FHIT: variants seen among roughly 807,000 people sequenced by gnomAD.
FHIT encodes the protein fragile histidine triad diadenosine triphosphatase.
Under a neutral mutation model 17.9 loss-of-function variants are expected in FHIT, and 19 were observed. The ratio of observed to expected loss-of-function variants is 1.06; its 90% CI spans 0.74 to 1.56. The LOEUF is 1.56. FHIT is among the 40% of genes most tolerant of loss of function. The probability of loss-of-function intolerance (pLI) is 0.00; values close to 1 mark genes in which losing one functional copy is unlikely to be tolerated. For synonymous variants in FHIT, 81 were observed against 69.7 expected (o/e 1.16, Z -0.81); for missense variants, 248 against 189.2 (o/e 1.31, Z -1.82).
chr3:60,859,439 T>C (rs1553750786), intron 3 of FHIT, among the ~76,000 whole-genome samples: 1 of 152,064 alleles, frequency 6.6e-6, no homozygotes, highest in African/African-American at 2.4e-5. Context: ...TTTCCACCCA[T>C]GCACACAGGT....
intron 4 of FHIT, among the ~76,000 whole-genome samples, chr3:60,782,237 G>GTATATA (rs11272366): frequency 0.065 from 6,201 of 95,500 alleles, 199 homozygotes; most frequent in Non-Finnish European, 0.11. Context: ...GTGTGTGTGT[G>GTATATA]TATATATATA....
chr3:60,095,745 A>G (rs921363276), intron 5 of FHIT, among the ~76,000 whole-genome samples: 1 of 152,232 alleles, frequency 6.6e-6, no homozygotes, highest in Non-Finnish European at 1.5e-5. Context: ...GAGAAAAGGC[A>G]AAACAACAGC....
chr3:59,906,269 T>A (rs1575674771), intron 8 of FHIT, among the ~76,000 whole-genome samples: 1 of 152,328 alleles, frequency 6.6e-6, no homozygotes, highest in East Asian at 1.9e-4. Context: ...ACTTCTTGCA[T>A]AAAATCAGTC....
chr3:60,867,464 G>T (rs913400217), intron 3 of FHIT, among the ~76,000 whole-genome samples: 1 of 152,166 alleles, frequency 6.6e-6, no homozygotes, highest in Non-Finnish European at 1.5e-5. Flanking sequence ...AGATGTTATG[G>T]CTGTGAGCTG....
Position 59,931,111 on chromosome 3 carries a change from A to C in FHIT, c.280-8697T>G, listed in dbSNP as rs149130624. On this transcript the variant is annotated intron_variant, in intron 7 of 9. Transcript: ENST00000492590. Reference sequence around the variant, plus strand: ...TGTGAAATACATAGGTAAAGTGCTTAAGCTAATGCTGCACATTCTGAATAT... The same window carrying C: ...TGTGAAATACATAGGTAAAGTGCTTCAGCTAATGCTGCACATTCTGAATAT... Among the ~76,000 whole-genome samples the C allele has an allele frequency of 3.4e-3, 521 of 152,354 alleles. 3 individuals carry two copies. The highest frequency in any genetic ancestry group is 0.012 in the African/African-American group (498 of 41,580).
intron 5 of FHIT, among the ~76,000 whole-genome samples, chr3:60,110,486 T>C (rs949927017): frequency 3.3e-5 from 5 of 152,150 alleles, no homozygotes; most frequent in South Asian, 2.1e-4. Flanking sequence ...GATCACCAAA[T>C]AGACACCAGT....
In FHIT at chr3:60,675,980, C is replaced by T. The variant is rs576583814; in HGVS notation, c.-17-139001G>A. Among the ~76,000 whole-genome samples, 64 of 152,228 alleles carry T rather than the reference C, an allele frequency of 4.2e-4. 1 individual carries two copies. The highest frequency in any genetic ancestry group is 1.5e-3 in the African/African-American group (62 of 41,544). ...AGCAAAATACAATGCCTGGCTAGAG[C>T]CTTTAAATACAGATAAACAATCCAA... On this transcript the variant is annotated intron_variant, in intron 4 of 9. Coordinates refer to ENST00000492590, the MANE Select transcript of FHIT (RefSeq NM_002012.4).
intron 4 of FHIT, among the ~76,000 whole-genome samples, chr3:60,709,673 G>C (rs2041467153): frequency 6.6e-6 from 1 of 152,132 alleles, no homozygotes; most frequent in African/African-American, 2.4e-5. Context: ...ATATAAAAAA[G>C]AATTATATTT....
intron 8 of FHIT, among the ~76,000 whole-genome samples, chr3:59,806,024 A>G (rs1700180853): frequency 6.6e-6 from 1 of 152,080 alleles, no homozygotes. Flanking sequence ...TGCTAAAAAT[A>G]CAAAAATTTA....
chr3:60,952,884 A>G (rs1244416544), intron 3 of FHIT, among the ~76,000 whole-genome samples: 3 of 152,190 alleles, frequency 2.0e-5, no homozygotes, highest in Non-Finnish European at 2.9e-5. Flanking sequence ...ATATAAAACC[A>G]TCTAGGTTTT....
intron 4 of FHIT, among the ~76,000 whole-genome samples, chr3:60,736,404 A>G (rs185799927): frequency 6.6e-6 from 1 of 152,338 alleles, no homozygotes; most frequent in African/African-American, 2.4e-5. Flanking sequence ...ATTTCCATTT[A>G]CTAATGAATG....
At chr3:59,911,758 G>C (rs1410036066) in intron 8 of FHIT, among the ~76,000 whole-genome samples, 1 of 152,198 alleles carries the variant, frequency 6.6e-6, no homozygotes, top group Non-Finnish European at 1.5e-5. Context: ...CAGTGCCCAA[G>C]AAGTGGGGAG....
At chr3:61,035,132 G>C (rs982569345) in intron 3 of FHIT, among the ~76,000 whole-genome samples, 6 of 152,166 alleles carry the variant, frequency 3.9e-5, no homozygotes, top group African/African-American at 1.4e-4. Flanking sequence ...GCTGACAAGG[G>C]TTTGGGGAAA....
At chr3:61,186,763 C>CT (rs1166841311) in intron 2 of FHIT, among the ~76,000 whole-genome samples, 1 of 152,124 alleles carries the variant, frequency 6.6e-6, no homozygotes, top group Admixed American at 6.5e-5. Context: ...GTCACTGTTT[C>CT]TTTTGTATTG....
chr3:60,706,100 G>C (rs1340318251), intron 4 of FHIT, among the ~76,000 whole-genome samples: 1 of 152,030 alleles, frequency 6.6e-6, no homozygotes, highest in Non-Finnish European at 1.5e-5. Context: ...GGCACTACAT[G>C]GATGAAGCTG....
At chr3:61,074,250 T>A (rs2034900347) in intron 2 of FHIT, among the ~76,000 whole-genome samples, 1 of 152,202 alleles carries the variant, frequency 6.6e-6, no homozygotes, top group Admixed American at 6.5e-5. Context: ...GAAGAGAATA[T>A]CACAGTCTTC....
chr3:60,557,549 G>T (rs1239833360), intron 4 of FHIT, among the ~76,000 whole-genome samples: 5 of 151,578 alleles, frequency 3.3e-5, no homozygotes, highest in Non-Finnish European at 2.9e-5. Context: ...GGTCTCTCGG[G>T]GTCAAGCAGA....
At position 60,789,142 on chromosome 3, in the gene FHIT, A is replaced by ATG. The variant is rs1553727792; in HGVS notation, c.-18+32775_-18+32776dup. Among the ~76,000 whole-genome samples the ATG allele has an allele frequency of 6.5e-3, 847 of 129,342 alleles. 4 individuals are homozygous for ATG. The highest frequency in any genetic ancestry group is 0.01 in the African/African-American group (318 of 30,378). 84.9% of individuals were successfully genotyped at this position (129,342 alleles called of 152,430 possible). On this transcript the variant is annotated intron_variant, in intron 4 of 9. Coordinates refer to ENST00000492590, the MANE Select transcript of FHIT (RefSeq NM_002012.4). ...TATAGATATGTATATATAGAGAGAG[A>ATG]TGTGTGTGTGTGTGTATATATATAT...
Position 60,299,945 on chromosome 3 carries a change from A to G in FHIT, c.103+236915T>C, listed in dbSNP as rs533724065. Among the ~76,000 whole-genome samples, 13 of 152,202 alleles carry G rather than the reference A, an allele frequency of 8.5e-5. No individual in the cohort carries two copies. The South Asian group carries it at 2.7e-3, about 32-fold the overall frequency. On this transcript the variant is annotated intron_variant, in intron 5 of 9. Transcript: ENST00000492590. The stretch of plus-strand genomic sequence containing the variant: ...TATATTGCTAGACTGCCCCTTTCCC[A>G]GTCCTTCACCTACAGTGAGCAGGCT...
Sources: gnomAD v4.1 joint callset for allele counts (sites outside exome capture counted in the v4.1 genomes callset) on GRCh38, gnomAD v4.1.1 for gene constraint, MANE v1.5 for transcripts, NCBI Gene and HGNC (gene_info 2026-07-23, HGNC 2026-07-21) for gene names.